The following CDC42BPA variants were observed in gnomAD, a reference collection of about 807,000 sequenced individuals.
CDC42BPA encodes CDC42 binding protein kinase alpha.
A neutral mutation model predicts 223.5 loss-of-function variants in CDC42BPA; 80 were observed. The ratio of observed to expected loss-of-function variants is 0.36; its 90% CI spans 0.30 to 0.43. CDC42BPA has a LOEUF of 0.43. Among genes scored for constraint, CDC42BPA ranks in the 20% least tolerant of loss-of-function variants. The pLI is 1.00. For synonymous variants in CDC42BPA, 694 were observed against 718.6 expected (o/e 0.97, Z 0.55); for missense variants, 1,743 against 2,099.9 (o/e 0.83, Z 3.32).
At chr1:227,157,479 A>G (rs547605496) in intron 6 of CDC42BPA, among the ~76,000 whole-genome samples, 3 of 152,178 alleles carry the variant, frequency 2.0e-5, no homozygotes, top group Admixed American at 6.5e-5. Context: ...TCTCCTCTGT[A>G]CGTAATATGT....
chr1:227,162,868 A>ATG lies in CDC42BPA; in HGVS notation c.600-2234_600-2233dup, dbSNP rs36157906. Among the ~76,000 whole-genome samples the ATG allele has an allele frequency of 4.0e-3, 600 of 149,462 alleles. 5 individuals carry two copies. Among genetic ancestry groups the ATG allele is most frequent in the African/African-American group, 0.013 (508 of 40,378 alleles). ...AAAAAATAAAATAAAATAAATATAT[A>ATG]TGTGTGTGTGTGTGTGTGTTTCCAA... On this transcript the variant is annotated intron_variant, in intron 5 of 36. Coordinates refer to ENST00000366766, the MANE Select transcript of CDC42BPA (RefSeq NM_001394014.1).
chr1:227,099,829 C>T (rs1684672656), intron 15 of CDC42BPA, among the ~76,000 whole-genome samples: 1 of 152,088 alleles, frequency 6.6e-6, no homozygotes, highest in Non-Finnish European at 1.5e-5. Context: ...TTTAACCCTC[C>T]CTTGAATGCT....
At chr1:227,208,495 C>T (rs1300510359) in intron 3 of CDC42BPA, among the ~76,000 whole-genome samples, 6 of 147,694 alleles carry the variant, frequency 4.1e-5, no homozygotes, top group East Asian at 2.0e-4. Context: ...TTAGGTCTAA[C>T]GTTTAAGTCT....
At chr1:227,096,412 C>T (rs1197283386) in intron 15 of CDC42BPA, among the ~76,000 whole-genome samples, 1 of 152,184 alleles carries the variant, frequency 6.6e-6, no homozygotes. Context: ...AATTCATTTC[C>T]TAAATCCTTG....
chr1:227,273,859 A>G (rs1478486164), intron 1 of CDC42BPA, among the ~76,000 whole-genome samples: 4 of 21,900 alleles, frequency 1.8e-4, no homozygotes, highest in East Asian at 2.3e-3. Flanking sequence ...GAAACAAGGA[A>G]AAAAAAAAAA....
At chr1:227,185,955 A>G (rs1189579043) in intron 5 of CDC42BPA, among the ~76,000 whole-genome samples, 1 of 152,242 alleles carries the variant, frequency 6.6e-6, no homozygotes, top group Admixed American at 6.5e-5. Flanking sequence ...TGAAAAATCA[A>G]CAACTCTTCT....
At chr1:227,038,073 G>A (rs1402496847) in intron 24 of CDC42BPA, among the ~76,000 whole-genome samples, 1 of 152,150 alleles carries the variant, frequency 6.6e-6, no homozygotes, top group Non-Finnish European at 1.5e-5. Context: ...ATCTTGAATT[G>A]TAGCTCCCAT....
At chr1:227,082,286 A>G (rs781584563) in intron 16 of CDC42BPA, among the ~76,000 whole-genome samples, 1 of 151,968 alleles carries the variant, frequency 6.6e-6, no homozygotes. Flanking sequence ...GGCTCAAGCC[A>G]TCTGCCCGCT....
chr1:227,275,175 C>T (rs1483116635), intron 1 of CDC42BPA, among the ~76,000 whole-genome samples: 1 of 151,234 alleles, frequency 6.6e-6, no homozygotes, highest in Non-Finnish European at 1.5e-5. Flanking sequence ...ACTAATGGCT[C>T]TTTTAAAAAA....
At chr1:227,112,477 A>G (rs1267322027) in intron 13 of CDC42BPA, 55 bp from the exon 14 acceptor site, 1 of 1,333,086 alleles carries the variant, frequency 7.5e-7, no homozygotes, top group African/African-American at 1.5e-5. Context: ...TTTCCAAACA[A>G]AACATTTATC....
In CDC42BPA at chr1:226,994,219, A is replaced by C. The variant is rs1291930013; in HGVS notation, c.*49T>G. 3 of 1,534,732 alleles carry C rather than the reference A, an allele frequency of 2.0e-6. No homozygotes were observed. Among genetic ancestry groups the C allele is most frequent in the Non-Finnish European group, 2.6e-6 (3 of 1,134,778 alleles). On this transcript the variant is annotated 3_prime_UTR_variant, in exon 37 of 37. Coordinates refer to ENST00000366766, the MANE Select transcript of CDC42BPA (RefSeq NM_001394014.1). This position sits in a 1 kb window ranked among gnomAD's most constrained non-coding sequence, Gnocchi z 4.0. ...GGAGGGAAGAGATGAAAGTGAGAGGAGGCGAGTGGCAGGGAGCGGAGAGCG... is the reference window on the plus strand; with the variant it reads ...GGAGGGAAGAGATGAAAGTGAGAGGCGGCGAGTGGCAGGGAGCGGAGAGCG...
At chr1:227,078,278 A>G (rs575201220) in intron 17 of CDC42BPA, among the ~76,000 whole-genome samples, 1 of 152,268 alleles carries the variant, frequency 6.6e-6, no homozygotes, top group South Asian at 2.1e-4. Flanking sequence ...CTTATTTTTA[A>G]AAAGTCAGTA....
chr1:227,035,536 T>C lies in CDC42BPA; in HGVS notation c.3271A>G (p.Thr1091Ala). ...PTTCPVPPEQTKGPLGIDPQK... is the reference protein window; with the variant it reads ...PTTCPVPPEQAKGPLGIDPQK... Reference sequence around the variant, plus strand: ...GGATCTATACCCAGGGGACCTTTTGTCTGTTCAGGAGGAACTGGACAAGTG... The same window carrying C: ...GGATCTATACCCAGGGGACCTTTTGCCTGTTCAGGAGGAACTGGACAAGTG... The change falls in exon 25 of 37, where the codon ACA becomes GCA. Residue 1091 changes from threonine to alanine, a missense_variant. Thr to Ala is a moderately conservative substitution (Grantham distance 58, BLOSUM62 0). This residue lies in a region of CDC42BPA where 678 missense variants were observed against 777.5 expected (regional missense o/e 0.87). Coordinates refer to ENST00000366766, the MANE Select transcript of CDC42BPA (RefSeq NM_001394014.1). 1.2e-6 allele frequency: 2 copies of C among 1,611,780 alleles called. No individual in the cohort carries two copies. The highest frequency in any genetic ancestry group is 1.1e-5 in the South Asian group (1 of 90,632).
intron 5 of CDC42BPA, among the ~76,000 whole-genome samples, chr1:227,173,210 A>T (rs952298748): frequency 1.3e-5 from 2 of 152,192 alleles, no homozygotes; most frequent in African/African-American, 4.8e-5. Flanking sequence ...ATACATTCAA[A>T]CCGATACTAT....
chr1:227,156,378 C>T (rs958954280), intron 6 of CDC42BPA, among the ~76,000 whole-genome samples: 6 of 151,412 alleles, frequency 4.0e-5, no homozygotes, highest in Admixed American at 2.6e-4. Context: ...TGGTCTCAAA[C>T]TCCTGGGCTC....
chr1:227,169,055 G>A (rs1665649754), intron 5 of CDC42BPA, among the ~76,000 whole-genome samples: 1 of 151,950 alleles, frequency 6.6e-6, no homozygotes, highest in Admixed American at 6.6e-5. Context: ...CCACTAGGCT[G>A]TTAATTTTTT....
At chr1:227,061,849 A>G (rs1412595345) in intron 21 of CDC42BPA, among the ~76,000 whole-genome samples, 2 of 152,102 alleles carry the variant, frequency 1.3e-5, no homozygotes, top group Non-Finnish European at 2.9e-5. Flanking sequence ...CCCTTGGGGA[A>G]TCTCATCCAC....
At chr1:227,291,100 G>A (rs1433697211) in intron 1 of CDC42BPA, among the ~76,000 whole-genome samples, 1 of 152,078 alleles carries the variant, frequency 6.6e-6, no homozygotes, top group African/African-American at 2.4e-5. Context: ...ATAGAGAGGA[G>A]ACCTAATTTT....
intron 11 of CDC42BPA, among the ~76,000 whole-genome samples, chr1:227,127,418 T>A (rs2149492572): frequency 6.6e-6 from 1 of 152,354 alleles, no homozygotes; most frequent in African/African-American, 2.4e-5. Context: ...GTTTTAAAAT[T>A]AATTAGCAAG....
Sources: gnomAD v4.1 joint callset for allele counts (sites outside exome capture counted in the v4.1 genomes callset) on GRCh38, gnomAD v4.1.1 for gene constraint, gnomAD v4.1.1 regional missense constraint, Gnocchi (gnomAD v3.1) non-coding constraint, MANE v1.5 for transcripts, NCBI Gene and HGNC (gene_info 2026-07-23, HGNC 2026-07-21) for gene names.